The following PLEKHA5 variants were observed in gnomAD, a reference collection of about 807,000 sequenced individuals.
PLEKHA5 encodes pleckstrin homology domain-containing family A member 5.
PLEKHA5 carries 55 observed loss-of-function variants against 181.9 expected under a neutral mutation model. That is an observed-to-expected ratio of 0.30 (90% CI 0.24 to 0.38). The LOEUF is 0.38. PLEKHA5 is among the 10% of genes least tolerant of loss of function. The probability of loss-of-function intolerance (pLI) is 1.00; values close to 1 mark genes in which losing one functional copy is unlikely to be tolerated. For synonymous variants in PLEKHA5, 535 were observed against 529.4 expected (o/e 1.01, Z -0.15); for missense variants, 1,432 against 1,549.5 (o/e 0.92, Z 1.27).
At chr12:19,313,653 AAAAT>A (rs2087424336) in intron 15 of PLEKHA5, among the ~76,000 whole-genome samples, 1 of 152,092 alleles carries the variant, frequency 6.6e-6, no homozygotes, top group Non-Finnish European at 1.5e-5. Flanking sequence ...CAGAGATTTA[AAAAT>A]AAATGGTCTA....
chr12:19,346,274 A>C (rs760006737), intron 23 of PLEKHA5, among the ~76,000 whole-genome samples: 1 of 152,210 alleles, frequency 6.6e-6, no homozygotes, highest in Non-Finnish European at 1.5e-5. Flanking sequence ...GATACTGTCA[A>C]CCTAACCAAA....
In PLEKHA5 at chr12:19,353,907, G is replaced by A; in HGVS notation, c.3043G>A (p.Val1015Ile). The change falls in exon 26 of 32, where the codon GTC becomes ATC. Residue 1015 changes from valine (V) to isoleucine (I), a missense_variant. Around this residue, in one of 2 missense-constraint regions of PLEKHA5, gnomAD observed 1,143 missense variants for 1,168.4 expected, o/e 0.98. Transcript: ENST00000429027. ...AGGTTCCCACTTTCCTGTTGGAGTAGTCCCTCCAAGAGCAAAATCACCAAC... is the reference window on the plus strand; with the variant it reads ...AGGTTCCCACTTTCCTGTTGGAGTAATCCCTCCAAGAGCAAAATCACCAAC... ...VKGSHFPVGV[V>I]PPRAKSPTPE... The A allele has an allele frequency of 6.3e-7, 1 of 1,594,454 alleles. No homozygotes were observed. Among genetic ancestry groups the A allele is most frequent in the African/African-American group, 1.3e-5 (1 of 74,646 alleles).
intron 3 of PLEKHA5, among the ~76,000 whole-genome samples, chr12:19,192,175 A>T (rs2051299728): frequency 6.6e-6 from 1 of 152,096 alleles, no homozygotes; most frequent in South Asian, 2.1e-4. Flanking sequence ...AAACATGTAA[A>T]TGCTTGCTTT....
intron 3 of PLEKHA5, among the ~76,000 whole-genome samples, chr12:19,173,553 TC>T (rs2046492815): frequency 6.6e-6 from 1 of 152,040 alleles, no homozygotes; most frequent in African/African-American, 2.4e-5. Flanking sequence ...TTTACTTTTT[TC>T]CCCCAGGTAA....
intron 20 of PLEKHA5, 122 bp from the exon 21 acceptor site, chr12:19,336,393 A>C: frequency 1.8e-6 from 1 of 551,246 alleles, no homozygotes. Context: ...TGGTTATAAA[A>C]ATTCCTGTTT....
Position 19,260,942 on chromosome 12 carries a change from A to C in PLEKHA5, c.538-7A>C. 1 of 1,528,950 alleles carries C rather than the reference A, an allele frequency of 6.5e-7. No individual in the cohort carries two copies. Among genetic ancestry groups the C allele is most frequent in the African/African-American group, 1.4e-5 (1 of 73,738 alleles). The allele number at this position is 1,528,950 out of a possible 1,614,324, so 94.7% of individuals were successfully genotyped here. Reference sequence around the variant, plus strand: ...AAATAATCCTTAAATATGCTGATTTAATCCAGGACAGTACTGGCATGAAAT... The same window carrying C: ...AAATAATCCTTAAATATGCTGATTTCATCCAGGACAGTACTGGCATGAAAT... On this transcript the variant is annotated splice_polypyrimidine_tract_variant and splice_region_variant and intron_variant, in intron 6 of 31. Transcript: ENST00000429027.
At chr12:19,315,286 C>G (rs2088165961) in intron 16 of PLEKHA5, among the ~76,000 whole-genome samples, 1 of 152,044 alleles carries the variant, frequency 6.6e-6, no homozygotes, top group African/African-American at 2.4e-5. Flanking sequence ...GGTTGCCCTC[C>G]ACAACTTCCC....
chr12:19,277,808 T>C (rs968406619), intron 11 of PLEKHA5, among the ~76,000 whole-genome samples: 1 of 152,014 alleles, frequency 6.6e-6, no homozygotes, highest in South Asian at 2.1e-4. Flanking sequence ...TTAGTCAAAA[T>C]AGTAGATCCC....
At chr12:19,345,780 G>GT in intron 22 of PLEKHA5, 62 bp from the exon 23 acceptor site, 1 of 816,346 alleles carries the variant, frequency 1.2e-6, no homozygotes, top group Non-Finnish European at 1.9e-6. Flanking sequence ...AAAAGAAATT[G>GT]TTCTTTTTTT....
At chr12:19,172,247 ATAT>A (rs1439944274) in intron 3 of PLEKHA5, among the ~76,000 whole-genome samples, 2 of 152,164 alleles carry the variant, frequency 1.3e-5, no homozygotes, top group East Asian at 1.9e-4. Flanking sequence ...TTGTGGTATG[ATAT>A]TATGATGGCT....
intron 3 of PLEKHA5, among the ~76,000 whole-genome samples, chr12:19,191,880 C>G (rs1252989786): frequency 6.6e-6 from 1 of 152,094 alleles, no homozygotes; most frequent in East Asian, 1.9e-4. Context: ...CCATAGTGAC[C>G]AAGCCTAAGA....
At chr12:19,297,623 C>T (rs1443882454) in intron 15 of PLEKHA5, among the ~76,000 whole-genome samples, 2 of 134,170 alleles carry the variant, frequency 1.5e-5, no homozygotes, top group Non-Finnish European at 3.1e-5. Context: ...AGCGAGGCTC[C>T]GTCTCAAAAA....
chr12:19,139,488 T>C (rs2036673241), intron 3 of PLEKHA5, among the ~76,000 whole-genome samples: 1 of 152,224 alleles, frequency 6.6e-6, no homozygotes, highest in Non-Finnish European at 1.5e-5. Context: ...GCTGGGAATT[T>C]CATATTCATC....
intron 10 of PLEKHA5, among the ~76,000 whole-genome samples, chr12:19,272,662 A>G (rs2073277333): frequency 6.6e-6 from 1 of 152,176 alleles, no homozygotes. Context: ...ACTTGAGCCC[A>G]GAAAGTTGAG....
intron 3 of PLEKHA5, among the ~76,000 whole-genome samples, chr12:19,226,408 A>C (rs2059695409): frequency 6.6e-6 from 1 of 152,194 alleles, no homozygotes; most frequent in Admixed American, 6.5e-5. Flanking sequence ...ACATGTATGT[A>C]CAAGTATTTG....
chr12:19,136,153 G>A (rs989705259), intron 3 of PLEKHA5, among the ~76,000 whole-genome samples: 2 of 151,986 alleles, frequency 1.3e-5, no homozygotes, highest in African/African-American at 4.8e-5. Context: ...CCGAAAATGG[G>A]GGATTATAGG....
At chr12:19,253,749 G>T (rs2066054746) in intron 3 of PLEKHA5, among the ~76,000 whole-genome samples, 191 bp from the exon 4 acceptor site, 1 of 152,014 alleles carries the variant, frequency 6.6e-6, no homozygotes, top group Non-Finnish European at 1.5e-5. Flanking sequence ...GAACCCAGAA[G>T]GCAGAGGTTG....
chr12:19,294,967 T>C (rs1026196076), intron 15 of PLEKHA5, among the ~76,000 whole-genome samples: 5 of 152,220 alleles, frequency 3.3e-5, no homozygotes, highest in African/African-American at 1.2e-4. Context: ...TCTTCAGTTT[T>C]TTGTTTCATC....
At chr12:19,306,796 C>T in intron 15 of PLEKHA5, 1 of 847,476 alleles carries the variant, frequency 1.2e-6, no homozygotes, top group Admixed American at 1.7e-5. Context: ...CCAGACTCAG[C>T]AGTTGTCGCA....
Sources: allele counts gnomAD v4.1 joint callset (sites outside exome capture counted in the v4.1 genomes callset), GRCh38; gene constraint gnomAD v4.1.1; regional missense constraint gnomAD v4.1.1; transcripts MANE v1.5; gene names NCBI Gene and HGNC (gene_info 2026-07-23, HGNC 2026-07-21).